The following PKD1L1 variants were observed in gnomAD, a reference collection of about 807,000 sequenced individuals.
PKD1L1 encodes the protein polycystin-1-like protein 1.
A neutral mutation model predicts 323.4 loss-of-function variants in PKD1L1; 236 were observed. The observed-to-expected ratio is 0.73, with a 90% confidence interval of 0.66 to 0.81. The LOEUF (loss-of-function observed/expected upper bound fraction) is 0.81, where lower values mean the gene tolerates loss of function less well. Ranked by LOEUF, PKD1L1 falls within the 40% of genes least tolerant of loss-of-function variation. PKD1L1 has a pLI of 0.00. For synonymous variants in PKD1L1, 1,344 were observed against 1,335.0 expected, an observed-to-expected ratio of 1.01 and a Z score of -0.15; for missense variants, 3,320 against 3,508.0, an observed-to-expected ratio of 0.95 and a Z score of 1.35.
At position 47,839,947 on chromosome 7, in the gene PKD1L1, G is replaced by A. The variant is rs1785534568; in HGVS notation, c.5553-285C>T. 6.6e-6 allele frequency among the ~76,000 whole-genome samples: 1 copy of A among 152,166 alleles called. No homozygotes were observed. The highest frequency in any genetic ancestry group is 2.1e-4 in the South Asian group (1 of 4,828). On this transcript the variant is annotated intron_variant, in intron 35 of 56. Coordinates refer to ENST00000289672, the MANE Select transcript of PKD1L1 (RefSeq NM_138295.5). This position sits in a 1 kb window ranked among gnomAD's most constrained non-coding sequence, Gnocchi z 4.3. ...CGTTCATGTATTTGTCTCTGGTGTG[G>A]ATTAGTCTAAAGTTAACCTTTTCTC...
chr7:47,832,324 G>A (rs1785364027), intron 41 of PKD1L1, among the ~76,000 whole-genome samples: 1 of 152,194 alleles, frequency 6.6e-6, no homozygotes, highest in Non-Finnish European at 1.5e-5. Flanking sequence ...AGGGTCGTCG[G>A]TCCTTGGGAT....
chr7:47,959,190 C>T, the PKD1L1 span, among the ~76,000 whole-genome samples: 4 of 151,712 alleles, frequency 2.6e-5, no homozygotes, highest in East Asian at 1.9e-4. Context: ...ACCTCCCAGC[C>T]GCCTGCCTTG....
chr7:47,847,662 G>C (rs1387695856), intron 31 of PKD1L1, among the ~76,000 whole-genome samples: 1 of 152,086 alleles, frequency 6.6e-6, no homozygotes, highest in Admixed American at 6.5e-5. Context: ...GGGACAACTA[G>C]ACATTAGCCC....
intron 34 of PKD1L1, among the ~76,000 whole-genome samples, chr7:47,842,504 C>T (rs371485351): frequency 1.3e-5 from 2 of 152,162 alleles, no homozygotes; most frequent in Admixed American, 6.5e-5. Flanking sequence ...CTGCAGACCT[C>T]ACCTCCACAG....
intron 32 of PKD1L1, among the ~76,000 whole-genome samples, chr7:47,845,394 C>T (rs952169411): frequency 6.6e-6 from 1 of 152,160 alleles, no homozygotes; most frequent in Non-Finnish European, 1.5e-5. Flanking sequence ...CTGAGGCTCT[C>T]GGGTCCCAGT....
chr7:47,949,388 A>AAAAAAAAAAAAAAAAC (rs1788168982), upstream of PKD1L1, among the ~76,000 whole-genome samples: 1 of 144,508 alleles, frequency 6.9e-6, no homozygotes, highest in Non-Finnish European at 1.5e-5. Flanking sequence ...AAAAAAAAAA[A>AAAAAAAAAAAAAAAAC]AAAGCTGTAA....
chr7:47,900,655 G>A (rs537542471), intron 13 of PKD1L1, among the ~76,000 whole-genome samples: 4 of 152,242 alleles, frequency 2.6e-5, no homozygotes, highest in South Asian at 2.1e-4. Flanking sequence ...TTGAACCCAG[G>A]GGGTGGAGAC....
At chr7:47,941,627 T>C (rs971351436) in intron 2 of PKD1L1, among the ~76,000 whole-genome samples, 14 of 152,232 alleles carry the variant, frequency 9.2e-5, no homozygotes, top group Admixed American at 3.3e-4. Flanking sequence ...TCGAGTGCCA[T>C]TGAGCACCCA....
At chr7:47,777,979 C>T (rs1786606158) in intron 56 of PKD1L1, among the ~76,000 whole-genome samples, 1 of 152,190 alleles carries the variant, frequency 6.6e-6, no homozygotes, top group Admixed American at 6.5e-5. Flanking sequence ...GTAGCTGGGG[C>T]CTGGACAAAG....
chr7:47,921,764 T>C (rs928380187), intron 7 of PKD1L1, among the ~76,000 whole-genome samples: 7 of 152,178 alleles, frequency 4.6e-5, no homozygotes, highest in African/African-American at 1.7e-4. Flanking sequence ...TTGGAGATTA[T>C]TATTCAAAGT....
chr7:47,801,264 C>G (rs1407622927), intron 53 of PKD1L1, among the ~76,000 whole-genome samples: 1 of 152,138 alleles, frequency 6.6e-6, no homozygotes, highest in Non-Finnish European at 1.5e-5. Flanking sequence ...ATCTTTATGT[C>G]CCCCGCACCT....
At position 47,937,184 on chromosome 7, in the gene PKD1L1, G is replaced by A. The variant is rs867766147; in HGVS notation, c.286-226C>T. Among the ~76,000 whole-genome samples the A allele has an allele frequency of 1.0e-4, 15 of 148,144 alleles. No individual in the cohort carries two copies. The South Asian group carries it at 2.4e-3, about 24-fold the overall frequency. On this transcript the variant is annotated intron_variant, in intron 3 of 56. Coordinates refer to ENST00000289672, the MANE Select transcript of PKD1L1 (RefSeq NM_138295.5). ...AGAAAGCAAACATGTAGCCATAACAGCATCTGCTGGGGGTCGTGCTGCGGA... is the reference window on the plus strand; with the variant it reads ...AGAAAGCAAACATGTAGCCATAACAACATCTGCTGGGGGTCGTGCTGCGGA...
intron 56 of PKD1L1, among the ~76,000 whole-genome samples, chr7:47,792,032 T>A (rs1028712159): frequency 2.3e-4 from 35 of 152,188 alleles, no homozygotes; most frequent in African/African-American, 8.2e-4. Flanking sequence ...AACAAACAGC[T>A]TCCTACAAAG....
At chr7:47,813,323 C>T (rs1218521669) in intron 48 of PKD1L1, 30 bp from the exon 49 acceptor site, 1 of 1,611,782 alleles carries the variant, frequency 6.2e-7, no homozygotes, top group South Asian at 1.1e-5. Flanking sequence ...TCAGAAGACA[C>T]AGATACTATT....
chr7:47,889,860 G>A (rs1262967232), intron 16 of PKD1L1, among the ~76,000 whole-genome samples: 2 of 152,178 alleles, frequency 1.3e-5, no homozygotes, highest in Non-Finnish European at 2.9e-5. Flanking sequence ...TCCAAAGCAG[G>A]TGGGCCTGGG....
At chr7:47,948,662 A>G (rs1788151350), upstream of PKD1L1, among the ~76,000 whole-genome samples, 1 of 152,136 alleles carries the variant, frequency 6.6e-6, no homozygotes, top group Non-Finnish European at 1.5e-5. Context: ...ATTCCTTCCT[A>G]AGAAGTGTGC....
intron 21 of PKD1L1, 148 bp from the exon 22 acceptor site, chr7:47,877,779 G>T: frequency 1.0e-6 from 1 of 971,884 alleles, no homozygotes; most frequent in Non-Finnish European, 1.5e-6. Flanking sequence ...GAATTTGTCA[G>T]AAATGAAGAT....
At chr7:47,789,005 A>G (rs558278889) in intron 56 of PKD1L1, among the ~76,000 whole-genome samples, 1 of 152,290 alleles carries the variant, frequency 6.6e-6, no homozygotes, top group African/African-American at 2.4e-5. Flanking sequence ...TTAATGTTTT[A>G]TTTAGATTTT....
At chr7:47,937,105 G>A (rs1787883003) in intron 3 of PKD1L1, 147 bp from the exon 4 acceptor site, 5 of 626,984 alleles carry the variant, frequency 8.0e-6, no homozygotes, top group South Asian at 2.0e-5. Context: ...AAGCAACAGC[G>A]AGGAAAGCAG....
Sources: allele counts gnomAD v4.1 joint callset (sites outside exome capture counted in the v4.1 genomes callset), GRCh38; gene constraint gnomAD v4.1.1; non-coding constraint Gnocchi (gnomAD v3.1); transcripts MANE v1.5; gene names NCBI Gene and HGNC (gene_info 2026-07-23, HGNC 2026-07-21).